Variants in MBD5 observed in about 807,000 individuals in gnomAD.
MBD5 encodes methyl-CpG-binding domain protein 5.
MBD5 carries 13 observed loss-of-function variants against 117.3 expected under a neutral mutation model. The ratio of observed to expected loss-of-function variants is 0.11; its 90% CI spans 0.07 to 0.18. The LOEUF is 0.18. MBD5 is among the 10% of genes least tolerant of loss of function. The probability of loss-of-function intolerance (pLI) is 1.00; values close to 1 mark genes in which losing one functional copy is unlikely to be tolerated. For synonymous variants in MBD5, 727 were observed against 766.4 expected (o/e 0.95, Z 0.85); for missense variants, 1,879 against 2,093.8 (o/e 0.90, Z 2.00).
chr2:148,409,242 G>A (rs926198037), intron 4 of MBD5, among the ~76,000 whole-genome samples: 1 of 151,904 alleles, frequency 6.6e-6, no homozygotes, highest in Admixed American at 6.6e-5. Flanking sequence ...ACAAAAATTA[G>A]CCAGACGTTA....
chr2:148,391,038 G>C (rs73015181), intron 4 of MBD5, among the ~76,000 whole-genome samples: 2,040 of 152,072 alleles, frequency 0.013, 50 homozygotes, highest in African/African-American at 0.045. Context: ...CCTTTAACAG[G>C]CATATTCACA....
chr2:148,201,807 C>T (rs1574130103), intron 2 of MBD5, among the ~76,000 whole-genome samples: 1 of 151,976 alleles, frequency 6.6e-6, no homozygotes, highest in East Asian at 1.9e-4. Flanking sequence ...TTTATGGGCT[C>T]AGACTGGGGG....
At chr2:148,162,962 T>C (rs151204864) in intron 1 of MBD5, among the ~76,000 whole-genome samples, 1 of 152,206 alleles carries the variant, frequency 6.6e-6, no homozygotes, top group East Asian at 1.9e-4. Flanking sequence ...ACAGCCACCT[T>C]GATACTAAAA....
At chr2:148,224,235 TG>T (rs1422298121) in intron 2 of MBD5, among the ~76,000 whole-genome samples, 2 of 152,256 alleles carry the variant, frequency 1.3e-5, no homozygotes, top group African/African-American at 4.8e-5. Flanking sequence ...TAGGTCTATT[TG>T]GACTGTAGTG....
At position 148,489,435 on chromosome 2, in the gene MBD5, A is replaced by C. The variant is rs1559098476; in HGVS notation, c.3803A>C (p.Gln1268Pro). 1.2e-6 allele frequency: 2 copies of C among 1,614,208 alleles called. No homozygotes were observed. Residue 1268 changes from glutamine (Q) to proline (P), a missense_variant, in exon 11 of 14, where the codon CAG (glutamine) becomes CCG (proline). Transcript: ENST00000642680. ...AALLNKRIST[Q>P]PGLTALPENP... ...CTCCTAAACAAAAGAATAAGCACTC[A>C]GCCTGGGCTCACAGCACTTCCTGAG...
chr2:148,187,041 T>C (rs920074981), intron 2 of MBD5, among the ~76,000 whole-genome samples: 1 of 152,176 alleles, frequency 6.6e-6, no homozygotes, highest in Non-Finnish European at 1.5e-5. Context: ...AAAAGATCAA[T>C]AGACTTGAAG....
At chr2:148,103,316 C>A (rs1172917923) in intron 1 of MBD5, among the ~76,000 whole-genome samples, 1 of 152,016 alleles carries the variant, frequency 6.6e-6, no homozygotes, top group Non-Finnish European at 1.5e-5. Flanking sequence ...TCTAACAGAT[C>A]AAAATTAATC....
intron 3 of MBD5, among the ~76,000 whole-genome samples, chr2:148,252,457 T>A (rs1700489861): frequency 6.6e-6 from 1 of 151,242 alleles, no homozygotes; most frequent in Middle Eastern, 3.2e-3. Context: ...TGAGATCCTG[T>A]CTCAAAAGGA....
chr2:148,291,112 G>GT (rs1033625194), intron 3 of MBD5, among the ~76,000 whole-genome samples: 8 of 152,140 alleles, frequency 5.3e-5, no homozygotes, highest in African/African-American at 1.9e-4. Flanking sequence ...GCTTTGATAA[G>GT]TTTGAAATAA....
At chr2:148,415,806 C>G (rs1025541613) in intron 4 of MBD5, among the ~76,000 whole-genome samples, 4 of 152,156 alleles carry the variant, frequency 2.6e-5, no homozygotes, top group Admixed American at 1.3e-4. Flanking sequence ...TTTTTCAACT[C>G]TATCAGATCA....
intron 4 of MBD5, among the ~76,000 whole-genome samples, chr2:148,453,023 T>G (rs1201120565): frequency 6.6e-6 from 1 of 152,238 alleles, no homozygotes; most frequent in Non-Finnish European, 1.5e-5. Flanking sequence ...TCAGAAGTAC[T>G]TAAGCACCTA....
intron 2 of MBD5, among the ~76,000 whole-genome samples, chr2:148,200,543 A>T (rs535390208): frequency 1.1e-3 from 168 of 152,194 alleles, no homozygotes; most frequent in Non-Finnish European, 1.9e-3. Context: ...TACAAAAAAA[A>T]TTAGCTGGGC....
chr2:148,057,158 GT>G (rs1237199402), intron 1 of MBD5, among the ~76,000 whole-genome samples: 1 of 151,680 alleles, frequency 6.6e-6, no homozygotes, highest in African/African-American at 2.4e-5. Flanking sequence ...AAAGGAACCA[GT>G]TTTTTGTATT....
At position 148,288,399 on chromosome 2, in the gene MBD5, C is replaced by CAAAAAAAAAAAAAAAAAAAAAA. The variant is rs569673565; in HGVS notation, c.-679-53800_-679-53799insAAAAAAAAAAAAAAAAAAAAAA. Among the ~76,000 whole-genome samples the CAAAAAAAAAAAAAAAAAAAAAA allele has an allele frequency of 6.1e-3, 221 of 36,474 alleles. 1 individual carries two copies. The highest frequency in any genetic ancestry group is 8.1e-3 in the Non-Finnish European group (142 of 17,512). 23.9% of individuals were successfully genotyped at this position (36,474 alleles called of 152,430 possible). ...TGGGCGACAGAGCGAGACTCCGTCTCAAAAAAAAAAAAAAAGTGATTTCTT... is the reference window on the plus strand; with the variant it reads ...TGGGCGACAGAGCGAGACTCCGTCTCAAAAAAAAAAAAAAAAAAAAAAAAAAAAAAAAAAAAAGTGATTTCTT... On this transcript the variant is annotated intron_variant, in intron 3 of 13. Transcript: ENST00000642680.
chr2:148,259,003 C>T (rs1700666988), intron 3 of MBD5, among the ~76,000 whole-genome samples: 1 of 152,156 alleles, frequency 6.6e-6, no homozygotes, highest in South Asian at 2.1e-4. Context: ...CAGAACCCAA[C>T]ACGAGACTCC....
chr2:148,371,835 A>G (rs1253057944), intron 4 of MBD5, among the ~76,000 whole-genome samples: 3 of 152,176 alleles, frequency 2.0e-5, no homozygotes, highest in Non-Finnish European at 4.4e-5. Flanking sequence ...TTATACATGT[A>G]GTGAACTTCC....
At chr2:148,044,104 T>G (rs1420838079) in intron 1 of MBD5, among the ~76,000 whole-genome samples, 2 of 152,232 alleles carry the variant, frequency 1.3e-5, no homozygotes, top group African/African-American at 4.8e-5. Context: ...TAAAGCTTAT[T>G]TGTAATGCAT....
chr2:148,432,841 GC>G (rs1167363498), intron 4 of MBD5, among the ~76,000 whole-genome samples: 3 of 152,058 alleles, frequency 2.0e-5, no homozygotes, highest in Non-Finnish European at 4.4e-5. Context: ...GAGTGCTTTG[GC>G]TATTTGGGTG....
At chr2:148,347,045 A>G (rs1255956733) in intron 4 of MBD5, 1 of 152,028 alleles carries the variant, frequency 6.6e-6, no homozygotes, top group African/African-American at 2.4e-5. Flanking sequence ...CAGGCATTAT[A>G]TGATTTTCTC....
Sources: gnomAD v4.1 joint callset for allele counts (sites outside exome capture counted in the v4.1 genomes callset) on GRCh38, gnomAD v4.1.1 for gene constraint, MANE v1.5 for transcripts, NCBI Gene and HGNC (gene_info 2026-07-23, HGNC 2026-07-21) for gene names.